CARMIL1: variants seen among roughly 807,000 people sequenced by gnomAD.
CARMIL1 encodes the protein capping protein regulator and myosin 1 linker 1.
In CARMIL1, 90 loss-of-function variants were observed where a neutral mutation model predicts 177.1. The ratio of observed to expected loss-of-function variants is 0.51; its 90% CI spans 0.43 to 0.61. CARMIL1 has a LOEUF of 0.61. Among genes scored for constraint, CARMIL1 ranks in the 20% least tolerant of loss-of-function variants. The probability of loss-of-function intolerance (pLI) is 0.00; values close to 1 mark genes in which losing one functional copy is unlikely to be tolerated. For synonymous variants in CARMIL1, 577 were observed against 606.2 expected (o/e 0.95, Z 0.71); for missense variants, 1,380 against 1,667.0 (o/e 0.83, Z 3.00).
In CARMIL1 at chr6:25,472,076, G is replaced by A. The variant is rs922189254; in HGVS notation, c.780-351G>A. 4.0e-5 allele frequency among the ~76,000 whole-genome samples: 6 copies of A among 151,808 alleles called. No homozygotes were observed. In the East Asian group the frequency reaches 7.8e-4, roughly 20 times the overall value. ...AATTGCATGGAATGAGAAATAAGAT[G>A]TGGTGAATACTATAATTTTCATGAA... On this transcript the variant is annotated intron_variant, in intron 10 of 36. Coordinates refer to ENST00000329474, the MANE Select transcript of CARMIL1 (RefSeq NM_017640.6).
chr6:25,383,192 A>G (rs1791763413), intron 2 of CARMIL1, among the ~76,000 whole-genome samples: 1 of 152,136 alleles, frequency 6.6e-6, no homozygotes, highest in South Asian at 2.1e-4. Context: ...TTGTTCCCTA[A>G]CTTGGGTAGT....
At chr6:25,303,986 AT>A (rs1783068950) in intron 2 of CARMIL1, among the ~76,000 whole-genome samples, 1 of 152,228 alleles carries the variant, frequency 6.6e-6, no homozygotes, top group African/African-American at 2.4e-5. Flanking sequence ...GTTTAAGGTA[AT>A]TTCAGATCAC....
At chr6:25,387,376 A>G (rs1792289530) in intron 2 of CARMIL1, among the ~76,000 whole-genome samples, 1 of 152,234 alleles carries the variant, frequency 6.6e-6, no homozygotes, top group African/African-American at 2.4e-5. Context: ...ATGCAGAGAT[A>G]TAAAAGTCAA....
chr6:25,441,511 A>G (rs757544603), intron 5 of CARMIL1, among the ~76,000 whole-genome samples: 2 of 151,894 alleles, frequency 1.3e-5, no homozygotes, highest in African/African-American at 2.4e-5. Context: ...AATATATGTT[A>G]GGATATTTCT....
intron 31 of CARMIL1, among the ~76,000 whole-genome samples, chr6:25,583,857 T>G (rs1177710393): frequency 7.1e-6 from 1 of 140,206 alleles, no homozygotes; most frequent in African/African-American, 2.6e-5. Context: ...CAACCCACAC[T>G]TCAGGTTCTA....
chr6:25,432,185 C>G (rs1796850281), intron 4 of CARMIL1, among the ~76,000 whole-genome samples: 1 of 152,032 alleles, frequency 6.6e-6, no homozygotes, highest in Non-Finnish European at 1.5e-5. Flanking sequence ...AGGTTAAGAA[C>G]CAGTGAGCTG....
intron 2 of CARMIL1, among the ~76,000 whole-genome samples, chr6:25,325,658 A>T (rs1429480394): frequency 6.6e-6 from 1 of 152,248 alleles, no homozygotes; most frequent in Non-Finnish European, 1.5e-5. Context: ...ATCCATTTAT[A>T]CAACAAAAAG....
intron 20 of CARMIL1, among the ~76,000 whole-genome samples, chr6:25,512,631 G>A (rs993513640): frequency 6.6e-6 from 1 of 152,120 alleles, no homozygotes; most frequent in African/African-American, 2.4e-5. Context: ...CCTGGTGTTT[G>A]TAGAGCTTGT....
chr6:25,458,534 T>A lies in CARMIL1; in HGVS notation c.615-7339T>A, dbSNP rs370190098. ...GCTTTAAAATCAGAAGCCAAATGAT[T>A]GGTTAATTGTGATGGAAGGGATTTT... On this transcript the variant is annotated intron_variant, in intron 8 of 36. Transcript: ENST00000329474. Among the ~76,000 whole-genome samples, 61 of 149,302 alleles carry A rather than the reference T, an allele frequency of 4.1e-4. No individual in the cohort carries two copies. The South Asian group carries it at 0.013, about 31-fold the overall frequency.
intron 5 of CARMIL1, among the ~76,000 whole-genome samples, chr6:25,449,584 C>A (rs970356435): frequency 6.6e-6 from 1 of 152,086 alleles, no homozygotes; most frequent in Non-Finnish European, 1.5e-5. Flanking sequence ...TTGGTATATA[C>A]GTAATCTAAT....
At chr6:25,282,223 G>GTTATTT (rs201147847) in intron 1 of CARMIL1, among the ~76,000 whole-genome samples, 3,640 of 151,982 alleles carry the variant, frequency 0.024, 63 homozygotes, top group Non-Finnish European at 0.039. Flanking sequence ...CTTAGAGGTA[G>GTTATTT]TTATTTTAAA....
intron 33 of CARMIL1, 99 bp from the exon 34 acceptor site, chr6:25,604,713 A>G: frequency 1.1e-6 from 1 of 915,576 alleles, no homozygotes. Context: ...GCTGAGTTAA[A>G]GAGCCCTTCT....
chr6:25,606,743 T>G (rs74893651), intron 35 of CARMIL1, among the ~76,000 whole-genome samples: 1 of 152,182 alleles, frequency 6.6e-6, no homozygotes, highest in Non-Finnish European at 1.5e-5. Flanking sequence ...TGGCAAACAA[T>G]GGGCCTGTTT....
In CARMIL1 at chr6:25,471,182, G is replaced by A. The variant is rs781625712; in HGVS notation, c.704G>A (p.Cys235Tyr). 2.0e-5 allele frequency: 32 copies of A among 1,610,508 alleles called. No individual in the cohort carries two copies. Among genetic ancestry groups the A allele is most frequent in the Non-Finnish European group, 2.6e-5 (31 of 1,177,840 alleles). ...SKDLKLSTDV[C>Y]EQILRVVSRS... is the part of the protein sequence containing the mutation. ...TTTCTGTTACAGTCCACTGATGTCT[G>A]TGAACAGATCTTGAGGGTGGTGAGT... Residue 235 changes from cysteine (C) to tyrosine (Y), a missense_variant, in exon 10 of 37, where the codon TGT becomes TAT. Physicochemically the swap from Cys to Tyr is radical, Grantham distance 194. Coordinates refer to ENST00000329474, the MANE Select transcript of CARMIL1 (RefSeq NM_017640.6).
intron 2 of CARMIL1, among the ~76,000 whole-genome samples, chr6:25,339,399 A>C (rs1786663565): frequency 6.6e-6 from 1 of 152,110 alleles, no homozygotes; most frequent in African/African-American, 2.4e-5. Flanking sequence ...ACACAAGGTT[A>C]TTTCTTTAAT....
At position 25,472,416 on chromosome 6, in the gene CARMIL1, T is replaced by C; in HGVS notation, c.780-11T>C. ...TTTGTTATTTAATCTTATTGTTTTG[T>C]TTACACGCAGAGATTTTGCACAAAA... is the stretch of plus-strand genomic sequence containing the variant. On this transcript the variant is annotated splice_polypyrimidine_tract_variant and intron_variant, in intron 10 of 36. Coordinates refer to ENST00000329474, the MANE Select transcript of CARMIL1 (RefSeq NM_017640.6). The C allele has an allele frequency of 6.5e-7, 1 of 1,538,614 alleles. No homozygotes were observed.
chr6:25,521,055 C>T (rs905648431), intron 23 of CARMIL1, among the ~76,000 whole-genome samples: 3 of 152,246 alleles, frequency 2.0e-5, no homozygotes, highest in African/African-American at 4.8e-5. Context: ...TGTTCTTTCT[C>T]CTTGGCGATG....
rs374619135 is a variant in CARMIL1 at position 25,284,902 on chromosome 6, A to G, written c.131A>G (p.Lys44Arg). ...GTTAAGGGAGACAAAGTTGAAAACA[A>G]AGTGCTGGTAAGTATTGCTGTTTAT... ...LEVKGDKVEN[K>R]VLVLTSCRAF... The change falls in exon 2 of 37, where the codon AAA (lysine) becomes AGA (arginine). Residue 44 changes from lysine (K) to arginine (R), a missense_variant. Coordinates refer to ENST00000329474, the MANE Select transcript of CARMIL1 (RefSeq NM_017640.6). 17 of 1,538,950 alleles carry G rather than the reference A, an allele frequency of 1.1e-5. No homozygotes were observed. The highest frequency in any genetic ancestry group is 1.5e-5 in the Non-Finnish European group (17 of 1,130,500).
chr6:25,335,230 G>T (rs749283182), intron 2 of CARMIL1, among the ~76,000 whole-genome samples: 8 of 152,152 alleles, frequency 5.3e-5, no homozygotes, highest in Non-Finnish European at 1.2e-4. Context: ...TCCAGTTCTT[G>T]TATATTACTA....
Sources: allele counts gnomAD v4.1 joint callset (sites outside exome capture counted in the v4.1 genomes callset), GRCh38; gene constraint gnomAD v4.1.1; transcripts MANE v1.5; gene names NCBI Gene and HGNC (gene_info 2026-07-23, HGNC 2026-07-21).